The following SV2C variants were observed in gnomAD, a reference collection of about 807,000 sequenced individuals.
SV2C encodes synaptic vesicle glycoprotein 2C.
A neutral mutation model predicts 79.7 loss-of-function variants in SV2C; 49 were observed. The observed-to-expected ratio is 0.61, with a 90% CI of 0.49 to 0.78. SV2C has a LOEUF of 0.78. SV2C is among the 30% of genes least tolerant of loss of function. SV2C has a pLI of 0.00. For synonymous variants in SV2C, 334 were observed against 333.2 expected (o/e 1.00, Z -0.03); for missense variants, 833 against 912.9 (o/e 0.91, Z 1.13).
chr5:75,906,730 G>C, the SV2C span, among the ~76,000 whole-genome samples: 1 of 152,124 alleles, frequency 6.6e-6, no homozygotes, highest in Non-Finnish European at 1.5e-5. Context: ...CTTCCAGGGA[G>C]CCACAAGGAG....
At chr5:76,079,921 T>C (rs922605726), upstream of SV2C, among the ~76,000 whole-genome samples, 4 of 152,082 alleles carry the variant, frequency 2.6e-5, no homozygotes, top group African/African-American at 9.7e-5. Context: ...AAATGGCAAA[T>C]GTATATTTTG....
In SV2C at chr5:76,317,722, C is replaced by T. The variant is rs1350560063; in HGVS notation, c.2001-7642C>T. ...GCACACATTTGTGGTCCTAGCTACTCGAGAGGCTGAGGAGGAGGATCACTT... is the reference window on the plus strand; with the variant it reads ...GCACACATTTGTGGTCCTAGCTACTTGAGAGGCTGAGGAGGAGGATCACTT... On this transcript the variant is annotated intron_variant, in intron 12 of 12. Transcript: ENST00000502798. 7.2e-5 allele frequency among the ~76,000 whole-genome samples: 11 copies of T among 152,178 alleles called. 1 individual carries two copies. Among genetic ancestry groups the T allele is most frequent in the Middle Eastern group, 6.8e-3 (2 of 294 alleles).
rs1328383900 is a variant in SV2C at position 76,295,922 on chromosome 5, A to G, written c.1482A>G (p.Gly494=). 9 of 1,608,796 alleles carry G rather than the reference A, an allele frequency of 5.6e-6. No individual in the cohort carries two copies. Among genetic ancestry groups the G allele is most frequent in the Non-Finnish European group, 5.9e-6 (7 of 1,177,946 alleles). ...CAATGGAAAATCAGATTCATACTGG[A>G]ATGGAATACGACAATGGCAGGTCTA... The part of the protein sequence containing the change: ...NFTMENQIHT[G]MEYDNGRFIG... Residue 494 remains glycine, a synonymous_variant, in exon 9 of 13, where the codon GGA becomes GGG. Transcript: ENST00000502798.
intron 12 of SV2C, among the ~76,000 whole-genome samples, chr5:76,306,032 G>A (rs569131148): frequency 1.8e-4 from 27 of 152,060 alleles, no homozygotes; most frequent in Non-Finnish European, 3.2e-4. Context: ...CACTCTTTTG[G>A]TGGAGCAGGG....
chr5:76,147,153 T>C (rs1238241570), intron 2 of SV2C, among the ~76,000 whole-genome samples: 2 of 152,228 alleles, frequency 1.3e-5, no homozygotes, highest in Non-Finnish European at 1.5e-5. Context: ...CTGACAGCAT[T>C]GTGAATGTAA....
the SV2C span, among the ~76,000 whole-genome samples, chr5:76,062,436 A>T: frequency 3.3e-4 from 50 of 152,204 alleles, no homozygotes; most frequent in Admixed American, 9.2e-4. Flanking sequence ...GGAAGCAGAG[A>T]CCAAATCCTC....
chr5:75,911,514 C>A, the SV2C span: 1 of 710,474 alleles, frequency 1.4e-6, no homozygotes, highest in Non-Finnish European at 2.5e-6. Context: ...CAACCACTGG[C>A]CCTAGGGTCT....
chr5:75,877,032 T>C, the SV2C span, among the ~76,000 whole-genome samples: 4 of 152,018 alleles, frequency 2.6e-5, no homozygotes, highest in Non-Finnish European at 1.5e-5. Flanking sequence ...ATGATCCAAC[T>C]CTATGCTATC....
chr5:76,102,088 C>A (rs948560918), intron 1 of SV2C, among the ~76,000 whole-genome samples: 2 of 150,880 alleles, frequency 1.3e-5, no homozygotes, highest in East Asian at 1.9e-4. Context: ...ACCTGAATGA[C>A]CTTTGTAAAA....
intron 1 of SV2C, among the ~76,000 whole-genome samples, chr5:76,104,877 ACTT>A (rs1373511837): frequency 1.3e-5 from 2 of 151,994 alleles, no homozygotes. Flanking sequence ...CCTTAGAAAA[ACTT>A]CTTCACCCCA....
At chr5:76,336,096 G>T (rs913464821), downstream of SV2C, among the ~76,000 whole-genome samples, 5 of 67,156 alleles carry the variant, frequency 7.4e-5, no homozygotes, top group East Asian at 4.7e-4. Context: ...GGCCGGGCGG[G>T]GGTCTGACCC....
chr5:75,932,492 A>T, the SV2C span, among the ~76,000 whole-genome samples: 2 of 152,262 alleles, frequency 1.3e-5, no homozygotes, highest in African/African-American at 4.8e-5. Context: ...AGAGCCACAA[A>T]CAGTTTGACC....
the SV2C span, among the ~76,000 whole-genome samples, chr5:76,041,540 T>C: frequency 6.6e-6 from 1 of 152,242 alleles, no homozygotes; most frequent in Non-Finnish European, 1.5e-5. Context: ...TCAGGACATC[T>C]GGGCAAGGAA....
chr5:76,032,816 C>G, the SV2C span, among the ~76,000 whole-genome samples: 2 of 152,198 alleles, frequency 1.3e-5, no homozygotes, highest in Non-Finnish European at 2.9e-5. Flanking sequence ...CCCGGAAAAT[C>G]GCCACACTGA....
chr5:76,240,120 G>A (rs939722872), intron 4 of SV2C, among the ~76,000 whole-genome samples: 19 of 152,180 alleles, frequency 1.2e-4, no homozygotes, highest in Non-Finnish European at 2.5e-4. Flanking sequence ...CAAAAGAGAA[G>A]AATCTAATGC....
chr5:76,003,247 C>T, the SV2C span, among the ~76,000 whole-genome samples: 3 of 152,106 alleles, frequency 2.0e-5, no homozygotes, highest in Non-Finnish European at 2.9e-5. Context: ...CTTACCCAGT[C>T]TCTGGTATGT....
At chr5:76,066,352 A>G in the SV2C span, among the ~76,000 whole-genome samples, 1 of 151,192 alleles carries the variant, frequency 6.6e-6, no homozygotes, top group Non-Finnish European at 1.5e-5. Context: ...ACAAGAACAA[A>G]AAACCAAACA....
chr5:76,285,630 T>A, intron 5 of SV2C, 151 bp from the exon 6 acceptor site: 1 of 651,856 alleles, frequency 1.5e-6, no homozygotes, highest in Non-Finnish European at 2.7e-6. Flanking sequence ...TTCAGTGATA[T>A]CCAAATAGTC....
intron 4 of SV2C, among the ~76,000 whole-genome samples, chr5:76,219,657 A>G (rs1431832776): frequency 1.3e-5 from 2 of 152,182 alleles, no homozygotes; most frequent in Non-Finnish European, 2.9e-5. Context: ...TAGGGAAGGC[A>G]TCTATCAGCT....
Sources: gnomAD v4.1 joint callset for allele counts (sites outside exome capture counted in the v4.1 genomes callset) on GRCh38, gnomAD v4.1.1 for gene constraint, MANE v1.5 for transcripts, NCBI Gene and HGNC (gene_info 2026-07-23, HGNC 2026-07-21) for gene names.